The following APH1B variants were observed in gnomAD, a reference collection of about 807,000 sequenced individuals.
The protein encoded by APH1B is gamma-secretase subunit APH-1B.
A neutral mutation model predicts 28.2 loss-of-function variants in APH1B; 27 were observed. The observed-to-expected ratio is 0.96, with a 90% CI of 0.70 to 1.32. The LOEUF (loss-of-function observed/expected upper bound fraction) is 1.32. Ranked by LOEUF, APH1B falls within the 40% of genes most tolerant of loss-of-function variation. The pLI is 0.00. For missense variants in APH1B, 305 were observed against 313.6 expected (o/e 0.97, Z 0.21); for synonymous variants, 141 against 124.6 (o/e 1.13, Z -0.88).
At position 63,305,623 on chromosome 15, in the gene APH1B, A is replaced by G; in HGVS notation, c.616A>G (p.Ser206Gly). The G allele has an allele frequency of 1.2e-6, 2 of 1,614,134 alleles. No homozygotes were observed. The highest frequency in any genetic ancestry group is 1.7e-6 in the Non-Finnish European group (2 of 1,180,014). The part of the protein sequence containing the change: ...HLLVSAQTFI[S>G]SYYGINLASA... ...TATTTTTCTTTTGCAGACCTTCATA[A>G]GTTCTTATTATGGAATAAACCTGGC... Residue 206 changes from serine to glycine, a missense_variant, in exon 6 of 6, where the codon AGT becomes GGT. Ser to Gly is a moderately conservative substitution (Grantham distance 56, BLOSUM62 0). Transcript: ENST00000261879.
At position 63,279,304 on chromosome 15, in the gene APH1B, TC is replaced by T; in HGVS notation, c.259del (p.Arg87AspfsTer8). The T allele has an allele frequency of 6.2e-7, 1 of 1,608,866 alleles. No individual in the cohort carries two copies. Among genetic ancestry groups the T allele is most frequent in the Non-Finnish European group, 8.5e-7 (1 of 1,175,782 alleles). ...AFVSVYIQEM[F>X]RFAYYKLLKK... ...GTCTCTGTCTATATCCAAGAAATGT[TC>T]CGATTTGCATATTATAAACTCTTAA... On this transcript the variant is annotated frameshift_variant, in exon 2 of 6. Transcript: ENST00000261879. LOFTEE classifies it high-confidence loss of function.
chr15:63,302,402 A>G lies in APH1B; in HGVS notation c.536A>G (p.Asp179Gly), dbSNP rs2038640726. 6.2e-7 allele frequency: 1 copy of G among 1,613,830 alleles called. No individual in the cohort carries two copies. The highest frequency in any genetic ancestry group is 8.5e-7 in the Non-Finnish European group (1 of 1,179,988). Reference protein sequence around the residue: ...LHVFWGIVFFDGCEKKKWGIL... With the variant: ...LHVFWGIVFFGGCEKKKWGIL... ...GTATTCTGGGGCATTGTATTTTTTG[A>G]TGGCTGTGAGAAGAAAAAGTGGGGC... The change falls in exon 5 of 6, where the codon GAT becomes GGT. Residue 179 changes from aspartate to glycine, a missense_variant. Transcript: ENST00000261879.
chr15:63,287,321 A>G, intron 3 of APH1B, 103 bp from the exon 4 acceptor site: 1 of 1,488,984 alleles, frequency 6.7e-7, no homozygotes, highest in Non-Finnish European at 9.1e-7. Flanking sequence ...GAAGAACATA[A>G]GCACCCTTTC....
intron 3 of APH1B, 199 bp from the exon 4 acceptor site, chr15:63,287,225 A>G (rs1595760424): frequency 5.0e-6 from 3 of 605,364 alleles, no homozygotes; most frequent in East Asian, 5.9e-5. Flanking sequence ...TCTGCCATTC[A>G]TTTCCTTTCC....
chr15:63,298,020 C>G (rs1177352596), intron 4 of APH1B, among the ~76,000 whole-genome samples: 1 of 152,120 alleles, frequency 6.6e-6, no homozygotes, highest in Non-Finnish European at 1.5e-5. Flanking sequence ...GGGAAAGGTT[C>G]TATGAGACTG....
rs1489084707 is a variant in APH1B at position 63,287,508 on chromosome 15, G to T, written c.440G>T (p.Gly147Val). ...GACTCCTTGGGGCCAGGCACAGTGGGCATTCATGGAGATTCTCCTCAATTC... is the reference window on the plus strand; with the variant it reads ...GACTCCTTGGGGCCAGGCACAGTGGTCATTCATGGAGATTCTCCTCAATTC... ...LSDSLGPGTVGIHGDSPQFFL... is the reference protein window; with the variant it reads ...LSDSLGPGTVVIHGDSPQFFL... Residue 147 changes from glycine (G) to valine (V), a missense_variant, in exon 4 of 6, where the codon GGC becomes GTC. Physicochemically the swap from Gly to Val is moderately radical, Grantham distance 109. Transcript: ENST00000261879. The T allele has an allele frequency of 6.2e-7, 1 of 1,613,700 alleles. No homozygotes were observed. The highest frequency in any genetic ancestry group is 8.5e-7 in the Non-Finnish European group (1 of 1,179,800).
At chr15:63,294,335 C>T (rs1361262962) in intron 4 of APH1B, among the ~76,000 whole-genome samples, 1 of 152,164 alleles carries the variant, frequency 6.6e-6, no homozygotes, top group Non-Finnish European at 1.5e-5. Flanking sequence ...AGTCTAGCCC[C>T]GCCCCCCGGC....
rs2038671141 is a variant in APH1B at position 63,304,942 on chromosome 15, C to T, written c.607-672C>T. Among the ~76,000 whole-genome samples the T allele has an allele frequency of 6.6e-6, 1 of 152,208 alleles. No individual in the cohort carries two copies. Among genetic ancestry groups the T allele is most frequent in the Non-Finnish European group, 1.5e-5 (1 of 68,040 alleles). On this transcript the variant is annotated intron_variant, in intron 5 of 5. Transcript: ENST00000261879. This position sits in a 1 kb window ranked among gnomAD's most constrained non-coding sequence, Gnocchi z 5.1. Reference sequence around the variant, plus strand: ...ATAAGGTGCTACCTGTAAAATCTACCACTTTCTTCAGGCCTTCTTTGACAG... The same window carrying T: ...ATAAGGTGCTACCTGTAAAATCTACTACTTTCTTCAGGCCTTCTTTGACAG...
chr15:63,300,631 T>C (rs1450097778), intron 4 of APH1B, among the ~76,000 whole-genome samples: 2 of 152,232 alleles, frequency 1.3e-5, no homozygotes, highest in South Asian at 2.1e-4. Flanking sequence ...TACATCACTT[T>C]AGCTTCATCT....
At chr15:63,303,744 C>T (rs1287591557) in intron 5 of APH1B, among the ~76,000 whole-genome samples, 2 of 152,194 alleles carry the variant, frequency 1.3e-5, no homozygotes, top group African/African-American at 4.8e-5. Flanking sequence ...CCTCCTCTCT[C>T]AGCCCCTCAA....
chr15:63,277,968 G>C (rs1476443272), intron 1 of APH1B: 1 of 566,266 alleles, frequency 1.8e-6, no homozygotes, highest in Non-Finnish European at 3.1e-6. Context: ...GTGGGGTTTA[G>C]TGATCCGTGA....
intron 4 of APH1B, among the ~76,000 whole-genome samples, chr15:63,297,909 T>C (rs1410137903): frequency 6.6e-6 from 1 of 152,210 alleles, no homozygotes; most frequent in African/African-American, 2.4e-5. Context: ...GAGAGCTGAC[T>C]GCATAAATGA....
At chr15:63,286,146 A>G (rs2038442926) in intron 2 of APH1B, among the ~76,000 whole-genome samples, 2 of 152,198 alleles carry the variant, frequency 1.3e-5, no homozygotes, top group Non-Finnish European at 1.5e-5. Flanking sequence ...GGAAGATAGA[A>G]CAAAGTGCCA....
At chr15:63,289,757 CTT>C (rs2038485041) in intron 4 of APH1B, among the ~76,000 whole-genome samples, 2 of 152,208 alleles carry the variant, frequency 1.3e-5, no homozygotes, top group African/African-American at 4.8e-5. Context: ...AATCCCAACA[CTT>C]TGGGAAGCCA....
intron 3 of APH1B, 39 bp from the exon 4 acceptor site, chr15:63,287,385 G>T (rs2038458307): frequency 6.2e-7 from 1 of 1,605,664 alleles, no homozygotes; most frequent in East Asian, 2.2e-5. Flanking sequence ...TTGAAATCTT[G>T]GCAGGAAAAG....
Position 63,308,005 on chromosome 15 carries a change from C to G in APH1B, c.*2224C>G, listed in dbSNP as rs1189965451. The G allele has an allele frequency of 6.6e-6, 1 of 152,102 alleles. No homozygotes were observed. The highest frequency in any genetic ancestry group is 1.5e-5 in the Non-Finnish European group (1 of 68,016). The allele number at this position is 152,102 out of a possible 1,614,324, so 9.4% of individuals were successfully genotyped here. A position where few individuals can be genotyped will look rare whatever the true frequency, so the allele number is the denominator to read the frequency against. ...AGAGTCAGCTTAGACACTGTTGTCG[C>G]AAATAGCCATGCTTTGCCTTATGCC... On this transcript the variant is annotated 3_prime_UTR_variant, in exon 6 of 6. Coordinates refer to ENST00000261879, the MANE Select transcript of APH1B (RefSeq NM_031301.4).
At position 63,304,926 on chromosome 15, in the gene APH1B, T is replaced by C. The variant is rs1326302581; in HGVS notation, c.607-688T>C. Among the ~76,000 whole-genome samples, 2 of 152,256 alleles carry C rather than the reference T, an allele frequency of 1.3e-5. No homozygotes were observed. The highest frequency in any genetic ancestry group is 4.8e-5 in the African/African-American group (2 of 41,468). On this transcript the variant is annotated intron_variant, in intron 5 of 5. Transcript: ENST00000261879. The surrounding 1 kb of genome is among the most constrained non-coding windows in gnomAD (Gnocchi z 5.1). ...AGAGCAGTCTTTCTGCATAAGGTGC[T>C]ACCTGTAAAATCTACCACTTTCTTC...
intron 2 of APH1B, among the ~76,000 whole-genome samples, chr15:63,280,240 G>A (rs893639019): frequency 2.0e-5 from 3 of 152,150 alleles, no homozygotes; most frequent in Admixed American, 6.5e-5. Context: ...GGGTTCCCTT[G>A]TTGGGCCAGA....
intron 4 of APH1B, among the ~76,000 whole-genome samples, chr15:63,296,173 C>T (rs937789698): frequency 6.6e-6 from 1 of 152,210 alleles, no homozygotes; most frequent in African/African-American, 2.4e-5. Context: ...CCCACTTGTG[C>T]CAGCTGACTG....
Sources: allele counts gnomAD v4.1 joint callset (sites outside exome capture counted in the v4.1 genomes callset), GRCh38; gene constraint gnomAD v4.1.1; non-coding constraint Gnocchi (gnomAD v3.1); transcripts MANE v1.5; gene names NCBI Gene and HGNC (gene_info 2026-07-23, HGNC 2026-07-21).